Variants in MYO18A observed in about 807,000 individuals in gnomAD.
MYO18A encodes unconventional myosin-XVIIIa.
A neutral mutation model predicts 235.8 loss-of-function variants in MYO18A; 78 were observed. The ratio of observed to expected loss-of-function variants is 0.33; its 90% CI spans 0.28 to 0.40. The LOEUF (loss-of-function observed/expected upper bound fraction) is 0.40, where lower values mean the gene tolerates loss of function less well. Ranked by LOEUF, MYO18A falls within the 10% of genes least tolerant of loss-of-function variation. MYO18A has a pLI of 1.00. For synonymous variants in MYO18A, 977 were observed against 1,077.8 expected (o/e 0.91, Z 1.83); for missense variants, 2,215 against 2,699.3 (o/e 0.82, Z 3.98).
rs2067295227 is a variant in MYO18A, at chr17:29,125,323, C to T, written c.1000-3070G>A. 6.6e-6 allele frequency among the ~76,000 whole-genome samples: 1 copy of T among 152,202 alleles called. No homozygotes were observed. Among genetic ancestry groups the T allele is most frequent in the African/African-American group, 2.4e-5 (1 of 41,452 alleles). On this transcript the variant is annotated intron_variant, in intron 2 of 41. Coordinates refer to ENST00000527372, the MANE Select transcript of MYO18A (RefSeq NM_078471.4). This position sits in a 1 kb window ranked among gnomAD's most constrained non-coding sequence, Gnocchi z 5.1. ...CCCGACGTACCCTATAGCACTCCCA[C>T]CTCTGCCAGCCAGGCACACCGACCC...
At position 29,089,032 on chromosome 17, in the gene MYO18A, C is replaced by T. The variant is rs541307998; in HGVS notation, c.5526+929G>A. 1.8e-4 allele frequency among the ~76,000 whole-genome samples: 23 copies of T among 124,562 alleles called. 1 individual carries two copies. The South Asian group carries it at 3.8e-3, about 21-fold the overall frequency. 81.7% of individuals were successfully genotyped at this position (124,562 alleles called of 152,430 possible). A position where few individuals can be genotyped will look rare whatever the true frequency, so the allele number is the denominator to read the frequency against. ...CTGCACTACAGCCTGGGCAACAGAG[C>T]GAGACCCTATCTCAAAAAAAAAAAA... On this transcript the variant is annotated intron_variant, in intron 37 of 41. Transcript: ENST00000527372.
At position 29,114,931 on chromosome 17, in the gene MYO18A, C is replaced by A. The variant is rs751599686; in HGVS notation, c.2487G>T (p.Val829=). The change falls in exon 14 of 42, where the codon GTG becomes GTT. Residue 829 remains valine (V), a synonymous_variant. Transcript: ENST00000527372. The stretch of plus-strand genomic sequence containing the variant: ...CCTCCTTGTATCTTTCCAACTCCTG[C>A]ACGAAGGTGCGCTCGTGGAAGAGCC... The part of the protein sequence containing the change: ...LQRLFHERTF[V]QELERYKEEN... The A allele has an allele frequency of 5.6e-6, 9 of 1,613,832 alleles. No homozygotes were observed. The highest frequency in any genetic ancestry group is 5.9e-6 in the Non-Finnish European group (7 of 1,179,772).
In MYO18A at chr17:29,158,488, G is replaced by C. The variant is rs2068106008; in HGVS notation, c.999+7454C>G. Among the ~76,000 whole-genome samples the C allele has an allele frequency of 6.6e-6, 1 of 152,240 alleles. No individual in the cohort carries two copies. The highest frequency in any genetic ancestry group is 2.4e-5 in the African/African-American group (1 of 41,468). Reference sequence around the variant, plus strand: ...ATCAAACTGCACAGCAGAGGTGGGGGCCCTGAAAACTCCGCTCTTTCGCAG... The same window carrying C: ...ATCAAACTGCACAGCAGAGGTGGGGCCCCTGAAAACTCCGCTCTTTCGCAG... On this transcript the variant is annotated intron_variant, in intron 2 of 41. Transcript: ENST00000527372. The surrounding 1 kb of genome is among the most constrained non-coding windows in gnomAD (Gnocchi z 4.3).
chr17:29,150,508 C>A (rs2152947751), intron 2 of MYO18A, among the ~76,000 whole-genome samples: 1 of 152,362 alleles, frequency 6.6e-6, no homozygotes, highest in Admixed American at 6.5e-5. Context: ...GAGGACAGCT[C>A]TTCCTTCTTG....
chr17:29,178,539 G>A (rs368333182), intron 1 of MYO18A, among the ~76,000 whole-genome samples: 2 of 151,900 alleles, frequency 1.3e-5, no homozygotes, highest in Non-Finnish European at 2.9e-5. Flanking sequence ...ACCTCCACCC[G>A]AGGCTATATA....
Position 29,166,231 on chromosome 17 carries a change from C to T in MYO18A, c.710G>A (p.Arg237His), listed in dbSNP as rs1187455108. ...PTGDFGFSLRRTTMLDRGPEG... is the reference protein window; with the variant it reads ...PTGDFGFSLRHTTMLDRGPEG... ...GGGGCCCCGATCCAGCATGGTTGTGCGCCGCAGGGAGAAGCCAAAGTCTCC... is the reference window on the plus strand; with the variant it reads ...GGGGCCCCGATCCAGCATGGTTGTGTGCCGCAGGGAGAAGCCAAAGTCTCC... The change falls in exon 2 of 42, where the codon CGC becomes CAC. Residue 237 changes from arginine to histidine, a missense_variant. Coordinates refer to ENST00000527372, the MANE Select transcript of MYO18A (RefSeq NM_078471.4). 1 of 1,612,920 alleles carries T rather than the reference C, an allele frequency of 6.2e-7. No individual in the cohort carries two copies. Among genetic ancestry groups the T allele is most frequent in the Non-Finnish European group, 8.5e-7 (1 of 1,179,890 alleles).
intron 40 of MYO18A, among the ~76,000 whole-genome samples, chr17:29,084,599 GAACA>G (rs1055800489): frequency 1.3e-5 from 2 of 152,154 alleles, no homozygotes; most frequent in Non-Finnish European, 2.9e-5. Context: ...AATCACGGGG[GAACA>G]AACAAACGGA....
intron 2 of MYO18A, among the ~76,000 whole-genome samples, chr17:29,151,753 G>A (rs940486790): frequency 2.0e-5 from 3 of 152,190 alleles, no homozygotes; most frequent in Admixed American, 6.5e-5. Context: ...CAAGCCACCC[G>A]CTGCAGGACT....
At chr17:29,086,239 C>G (rs1338128379) in intron 39 of MYO18A, among the ~76,000 whole-genome samples, 199 bp downstream of exon 39, 3 of 152,148 alleles carry the variant, frequency 2.0e-5, no homozygotes, top group Non-Finnish European at 4.4e-5. Flanking sequence ...GGCTGGGTGG[C>G]CTCCATCAGG....
intron 28 of MYO18A, among the ~76,000 whole-genome samples, chr17:29,095,387 G>A (rs1229912365): frequency 6.6e-6 from 1 of 152,220 alleles, no homozygotes; most frequent in East Asian, 1.9e-4. Flanking sequence ...AAAGAATGAG[G>A]GACCCAGGTG....
chr17:29,138,792 C>T (rs1300225483), intron 2 of MYO18A, among the ~76,000 whole-genome samples: 27 of 152,180 alleles, frequency 1.8e-4, no homozygotes, highest in Non-Finnish European at 2.8e-4. Context: ...CTGCGAGAGC[C>T]CTCCACTGCT....
intron 35 of MYO18A, 58 bp downstream of exon 35, chr17:29,090,751 AG>A (rs1390272343): frequency 8.4e-6 from 13 of 1,553,474 alleles, no homozygotes; most frequent in Non-Finnish European, 1.2e-5. Context: ...GGGACCCATG[AG>A]GAGGACCACA....
At position 29,105,877 on chromosome 17, in the gene MYO18A, G is replaced by C. The variant is rs115451090; in HGVS notation, c.3441+1203C>G. On this transcript the variant is annotated intron_variant, in intron 20 of 41. Transcript: ENST00000527372. ...TATAATTTTCTCCCACCACCCTTGG[G>C]AGCCCAAAGCAAGGAGTGCAGACAC... Among the ~76,000 whole-genome samples, 334 of 152,256 alleles carry C rather than the reference G, an allele frequency of 2.2e-3. 1 individual carries two copies. The highest frequency in any genetic ancestry group is 7.3e-3 in the African/African-American group (305 of 41,572).
chr17:29,077,935 G>A (rs8075134), intron 41 of MYO18A: 63,751 of 152,078 alleles, frequency 0.42, 14,664 homozygotes, highest in East Asian at 0.84. Flanking sequence ...TCCATCAGCT[G>A]ACTTCCTGCC....
rs988409793 is a variant in MYO18A at position 29,180,143 on chromosome 17, A to T, written c.-82+170T>A. Among the ~76,000 whole-genome samples, 4 of 151,720 alleles carry T rather than the reference A, an allele frequency of 2.6e-5. No individual in the cohort carries two copies. The highest frequency in any genetic ancestry group is 9.7e-5 in the African/African-American group (4 of 41,348). On this transcript the variant is annotated intron_variant, in intron 1 of 41. Transcript: ENST00000527372. The surrounding 1 kb of genome is among the most constrained non-coding windows in gnomAD (Gnocchi z 6.1). The stretch of plus-strand genomic sequence containing the variant: ...GGGCGTCGAGCTCCACGGCGCCGCC[A>T]GGGACGGGAGCCGGGAGTCCGGGCC...
At position 29,071,740 on chromosome 17, in the gene MYO18A, C is replaced by T. The variant is rs1160671218; in HGVS notation, c.*3030G>A. On this transcript the variant is annotated 3_prime_UTR_variant, in exon 42 of 42. Coordinates refer to ENST00000527372, the MANE Select transcript of MYO18A (RefSeq NM_078471.4). ...GTTAGGTCTTATGTAATTATTTCCACATGGGTCTGCTCCAGCCCTCGTCCG... is the reference window on the plus strand; with the variant it reads ...GTTAGGTCTTATGTAATTATTTCCATATGGGTCTGCTCCAGCCCTCGTCCG... 2 of 152,240 alleles carry T rather than the reference C, an allele frequency of 1.3e-5. No homozygotes were observed. Among genetic ancestry groups the T allele is most frequent in the South Asian group, 2.1e-4 (1 of 4,836 alleles). 9.4% of individuals were successfully genotyped at this position (152,240 alleles called of 1,614,324 possible).
Position 29,121,054 on chromosome 17 carries a change from T to C in MYO18A, c.1529A>G (p.His510Arg), listed in dbSNP as rs1385899475. The change falls in exon 6 of 42, where the codon CAT (histidine) becomes CGT (arginine). Residue 510 changes from histidine to arginine, a missense_variant. Coordinates refer to ENST00000527372, the MANE Select transcript of MYO18A (RefSeq NM_078471.4). The surrounding 1 kb of genome is among the most constrained non-coding windows in gnomAD (Gnocchi z 4.2). The part of the protein sequence containing the change: ...SGSGKTTSCQ[H>R]LVQYLATIAG... ...GATGGTGGCCAGGTACTGCACCAGA[T>C]GCTGGCAGCTGGTGGTCTTGCCACT... 3.1e-6 allele frequency: 5 copies of C among 1,612,912 alleles called. No individual in the cohort carries two copies. In the East Asian group the frequency reaches 8.9e-5, roughly 29 times the overall value.
rs565506010 is a variant in MYO18A at position 29,099,608 on chromosome 17, G to C, written c.3636+26C>G. On this transcript the variant is annotated intron_variant, in intron 22 of 41. Transcript: ENST00000527372. The stretch of plus-strand genomic sequence containing the variant: ...GGCTGTGCCCATCTAGGTTGGGGAG[G>C]GGGAGGGATGTCTCTAGAGCAGCAC... 1.5e-5 allele frequency: 24 copies of C among 1,607,052 alleles called. No homozygotes were observed. In the South Asian group the frequency reaches 2.2e-4, roughly 15 times the overall value.
At chr17:29,163,277 G>A (rs558276327) in intron 2 of MYO18A, among the ~76,000 whole-genome samples, 145 of 152,284 alleles carry the variant, frequency 9.5e-4, no homozygotes, top group African/African-American at 3.3e-3. Context: ...CAGAAGAGGT[G>A]CAGCACCCCA....
Sources: allele counts gnomAD v4.1 joint callset (sites outside exome capture counted in the v4.1 genomes callset), GRCh38; gene constraint gnomAD v4.1.1; non-coding constraint Gnocchi (gnomAD v3.1); transcripts MANE v1.5; gene names NCBI Gene and HGNC (gene_info 2026-07-23, HGNC 2026-07-21).